The following SPMIP7 variants were observed in gnomAD, a reference collection of about 807,000 sequenced individuals.
The protein encoded by SPMIP7 is sperm microtubule inner protein 7.
chr7:50,125,353 CA>C, the SPMIP7 span, among the ~76,000 whole-genome samples: 1 of 142,884 alleles, frequency 7.0e-6, no homozygotes, highest in African/African-American at 2.6e-5. Flanking sequence ...TATATACACA[CA>C]TATATATACA....
chr7:50,098,258 T>C, the SPMIP7 span, among the ~76,000 whole-genome samples: 1 of 152,138 alleles, frequency 6.6e-6, no homozygotes, highest in East Asian at 1.9e-4. Flanking sequence ...TTACTGAGTT[T>C]AGTACTTCCT....
At chr7:50,141,361 C>T in the SPMIP7 span, 1 of 1,551,338 alleles carries the variant, frequency 6.4e-7, no homozygotes, top group Non-Finnish European at 8.7e-7. Context: ...CAGCGGTACT[C>T]TAAGCCTCTT....
At chr7:50,124,713 G>A in the SPMIP7 span, among the ~76,000 whole-genome samples, 1 of 152,074 alleles carries the variant, frequency 6.6e-6, no homozygotes, top group Admixed American at 6.6e-5. Context: ...TTTGTATAAT[G>A]CAGTTAAAAC....
the SPMIP7 span, among the ~76,000 whole-genome samples, chr7:50,118,329 C>G: frequency 6.6e-6 from 1 of 152,102 alleles, no homozygotes; most frequent in Non-Finnish European, 1.5e-5. Context: ...ATGTAACAGA[C>G]AGCATGATCC....
At chr7:50,131,589 G>A in the SPMIP7 span, among the ~76,000 whole-genome samples, 754 of 152,130 alleles carry the variant, frequency 5.0e-3, 3 homozygotes, top group African/African-American at 0.018. Flanking sequence ...CTGGCATCTC[G>A]TTAAAAAAGA....
At chr7:50,156,838 TG>T in the SPMIP7 span, among the ~76,000 whole-genome samples, 2 of 152,156 alleles carry the variant, frequency 1.3e-5, no homozygotes, top group African/African-American at 4.8e-5. Flanking sequence ...GGAGTCTCCC[TG>T]TGGCTTCCCT....
At chr7:50,122,231 ACT>A in the SPMIP7 span, among the ~76,000 whole-genome samples, 2 of 152,322 alleles carry the variant, frequency 1.3e-5, no homozygotes, top group East Asian at 3.9e-4. Context: ...CATGTGATAA[ACT>A]AATATAAGAG....
At chr7:50,122,262 C>CAT in the SPMIP7 span, among the ~76,000 whole-genome samples, 1 of 151,814 alleles carries the variant, frequency 6.6e-6, no homozygotes, top group African/African-American at 2.4e-5. Context: ...AATAACGCCG[C>CAT]ATATCTACAA....
the SPMIP7 span, among the ~76,000 whole-genome samples, chr7:50,126,280 T>C: frequency 4.4e-3 from 665 of 152,094 alleles, 4 homozygotes; most frequent in Non-Finnish European, 5.2e-3. Flanking sequence ...TGTGTGCCAA[T>C]TAATTTGGCA....
At chr7:50,104,342 C>T in the SPMIP7 span, 70,024 of 1,539,494 alleles carry the variant, frequency 0.045, 1,896 homozygotes, top group African/African-American at 0.11. Context: ...AAGTTACTCC[C>T]TTACAACCTC....
chr7:50,104,029 C>T, the SPMIP7 span, among the ~76,000 whole-genome samples: 1 of 152,128 alleles, frequency 6.6e-6, no homozygotes, highest in African/African-American at 2.4e-5. Context: ...TCACCATCCC[C>T]AACATGTCTG....
chr7:50,096,322 T>C, the SPMIP7 span: 1 of 1,552,118 alleles, frequency 6.4e-7, no homozygotes, highest in Non-Finnish European at 8.7e-7. Flanking sequence ...CAGACTATCA[T>C]TTACATGATC....
At chr7:50,159,040 C>T in the SPMIP7 span, 1 of 1,551,636 alleles carries the variant, frequency 6.4e-7, no homozygotes, top group Non-Finnish European at 8.7e-7. Context: ...TCCCATCCTG[C>T]CCCAGCGTCT....
At chr7:50,156,828 G>A in the SPMIP7 span, among the ~76,000 whole-genome samples, 2 of 152,032 alleles carry the variant, frequency 1.3e-5, no homozygotes, top group Non-Finnish European at 1.5e-5. Context: ...GAACCCCAGC[G>A]GAGTCTCCCT....
At chr7:50,108,158 A>T in the SPMIP7 span, among the ~76,000 whole-genome samples, 1 of 152,220 alleles carries the variant, frequency 6.6e-6, no homozygotes, top group Non-Finnish European at 1.5e-5. Flanking sequence ...AGAGATTCCC[A>T]CTGAATCAGA....
the SPMIP7 span, chr7:50,121,416 A>G: frequency 1.3e-5 from 2 of 152,242 alleles, no homozygotes; most frequent in Non-Finnish European, 2.9e-5. Context: ...ATAGCAGCCA[A>G]GCTTTCAGCC....
At chr7:50,138,175 A>G in the SPMIP7 span, among the ~76,000 whole-genome samples, 1 of 152,102 alleles carries the variant, frequency 6.6e-6, no homozygotes, top group African/African-American at 2.4e-5. Context: ...ATTACTTATG[A>G]TAAGAGCTGG....
chr7:50,141,431 G>GATTGTGTA, the SPMIP7 span: 1 of 1,130,834 alleles, frequency 8.8e-7, no homozygotes, highest in Admixed American at 2.0e-5. Flanking sequence ...TATTACTAAG[G>GATTGTGTA]ATGAAACATG....
At chr7:50,151,684 T>A in the SPMIP7 span, 1 of 672,300 alleles carries the variant, frequency 1.5e-6, no homozygotes. Context: ...AAATGTGGCA[T>A]CAAGTCCGAA....
Sources: gnomAD v4.1 joint callset for allele counts (sites outside exome capture counted in the v4.1 genomes callset) on GRCh38, gnomAD v4.1.1 for gene constraint, MANE v1.5 for transcripts, NCBI Gene and HGNC (gene_info 2026-07-23, HGNC 2026-07-21) for gene names.